KIAA1671: variants seen among roughly 807,000 people sequenced by gnomAD.
KIAA1671 encodes uncharacterized protein KIAA1671.
KIAA1671 carries 52 observed loss-of-function variants against 131.2 expected under a neutral mutation model. The ratio of observed to expected loss-of-function variants is 0.40; its 90% confidence interval spans 0.32 to 0.50. KIAA1671 has a LOEUF of 0.50. Ranked by LOEUF, KIAA1671 falls within the 20% of genes least tolerant of loss-of-function variation. The pLI is 0.73. For missense variants in KIAA1671, 2,360 were observed against 2,364.2 expected, an observed-to-expected ratio of 1.00 and a Z score of 0.04; for synonymous variants, 1,003 against 961.6, an observed-to-expected ratio of 1.04 and a Z score of -0.80.
intron 9 of KIAA1671, chr22:25,179,304 G>A (rs1307322570): frequency 7.0e-6 from 11 of 1,577,702 alleles, no homozygotes; most frequent in Non-Finnish European, 8.6e-6. Context: ...GCCCGTCCCG[G>A]GCCCTTAGCC....
Position 25,040,357 on chromosome 22 carries a change from A to T in KIAA1671, c.3227A>T (p.His1076Leu). 6.4e-7 allele frequency: 1 copy of T among 1,551,838 alleles called. No individual in the cohort carries two copies. The highest frequency in any genetic ancestry group is 8.7e-7 in the Non-Finnish European group (1 of 1,147,018). Residue 1076 changes from histidine to leucine, a missense_variant, in exon 5 of 13, where the codon CAT becomes CTT. Coordinates refer to ENST00000358431, the MANE Select transcript of KIAA1671 (RefSeq NM_001145206.2). ...SLTSTLVSLG[H>L]EEALEMAGSK... is the part of the protein sequence containing the mutation. ...ACATCCACTTTGGTTTCTCTTGGTC[A>T]TGAAGAGGCATTGGAGATGGCAGGC...
chr22:25,090,812 C>A (rs1267607294), intron 6 of KIAA1671, among the ~76,000 whole-genome samples: 3 of 152,230 alleles, frequency 2.0e-5, no homozygotes, highest in African/African-American at 7.2e-5. Flanking sequence ...GCTCTGTTAT[C>A]CCACAGGGCT....
chr22:25,055,834 A>G (rs1444720422), intron 6 of KIAA1671: 2 of 149,328 alleles, frequency 1.3e-5, no homozygotes, highest in African/African-American at 4.9e-5. Context: ...ATAGATAGAT[A>G]TAGATACAGA....
intron 6 of KIAA1671, among the ~76,000 whole-genome samples, chr22:25,134,374 GTA>G (rs1411751277): frequency 1.3e-5 from 2 of 152,144 alleles, no homozygotes; most frequent in African/African-American, 2.4e-5. Flanking sequence ...CCTGGTATTG[GTA>G]TGTGTGTGTG....
intron 6 of KIAA1671, among the ~76,000 whole-genome samples, chr22:25,123,171 G>C (rs553716169): frequency 4.8e-5 from 7 of 145,986 alleles, no homozygotes; most frequent in African/African-American, 1.8e-4. Flanking sequence ...AGAATACATG[G>C]CATCACTTCT....
intron 6 of KIAA1671, among the ~76,000 whole-genome samples, chr22:25,074,313 T>G (rs1928982816): frequency 6.6e-6 from 1 of 150,806 alleles, no homozygotes; most frequent in South Asian, 2.1e-4. Flanking sequence ...GAGACCAGCC[T>G]GGTCAACATG....
intron 4 of KIAA1671, among the ~76,000 whole-genome samples, chr22:25,036,731 C>T (rs2145800311): frequency 6.6e-6 from 1 of 151,898 alleles, no homozygotes; most frequent in East Asian, 2.0e-4. Context: ...CCAGCCTGAC[C>T]AACATGGAGA....
intron 6 of KIAA1671, among the ~76,000 whole-genome samples, chr22:25,162,831 G>C (rs1194734949): frequency 6.6e-6 from 1 of 152,156 alleles, no homozygotes; most frequent in Non-Finnish European, 1.5e-5. Flanking sequence ...TTGAGTAACT[G>C]GAACAGAGAC....
At chr22:25,077,414 G>A (rs1292036974) in intron 6 of KIAA1671, among the ~76,000 whole-genome samples, 2 of 152,160 alleles carry the variant, frequency 1.3e-5, no homozygotes, top group East Asian at 3.9e-4. Context: ...TTGGGAGCTG[G>A]GGAGGGCTCT....
At chr22:25,098,304 T>C (rs1247611321) in intron 6 of KIAA1671, among the ~76,000 whole-genome samples, 3 of 152,000 alleles carry the variant, frequency 2.0e-5, no homozygotes, top group Non-Finnish European at 4.4e-5. Context: ...TCCCCTCCTC[T>C]CTCTCCCCTT....
At chr22:25,084,110 T>C (rs1396932187) in intron 6 of KIAA1671, among the ~76,000 whole-genome samples, 2 of 152,232 alleles carry the variant, frequency 1.3e-5, no homozygotes. Flanking sequence ...GCCTTAGTTA[T>C]GGTTTGCCAA....
intron 6 of KIAA1671, among the ~76,000 whole-genome samples, chr22:25,140,619 C>T (rs1020228549): frequency 6.6e-6 from 1 of 152,158 alleles, no homozygotes; most frequent in Non-Finnish European, 1.5e-5. Context: ...GCGTGAACAC[C>T]AGGAGGCAGG....
chr22:25,116,064 C>G (rs1452690457), intron 6 of KIAA1671, among the ~76,000 whole-genome samples: 1 of 152,200 alleles, frequency 6.6e-6, no homozygotes, highest in Non-Finnish European at 1.5e-5. Context: ...GCATGAGCCA[C>G]TGTGCCCAGC....
Position 25,028,348 on chromosome 22 carries a change from G to A in KIAA1671, c.349G>A (p.Glu117Lys). 6.4e-7 allele frequency: 1 copy of A among 1,550,860 alleles called. No individual in the cohort carries two copies. The highest frequency in any genetic ancestry group is 8.7e-7 in the Non-Finnish European group (1 of 1,146,990). The change falls in exon 3 of 13, where the codon GAG becomes AAG. Residue 117 changes from glutamate to lysine, a missense_variant. Glu to Lys is a moderately conservative substitution (Grantham distance 56, BLOSUM62 1). Around this residue, in one of 3 missense-constraint regions of KIAA1671, gnomAD observed 1,185 missense variants for 1,126.2 expected, o/e 1.05. Transcript: ENST00000358431. The part of the protein sequence containing the change: ...DNRMPGLVGQ[E>K]VGSGEGPRTS... ...CAGGATGCCCGGCTTGGTGGGGCAG[G>A]AGGTGGGCAGTGGGGAGGGCCCGAG...
chr22:25,184,575 T>C (rs78168237), intron 10 of KIAA1671, among the ~76,000 whole-genome samples: 16 of 152,304 alleles, frequency 1.1e-4, no homozygotes, highest in African/African-American at 3.8e-4. Flanking sequence ...GGGACTCTAA[T>C]AGACTGTCGA....
chr22:25,007,115 A>C (rs964016100), intron 1 of KIAA1671, among the ~76,000 whole-genome samples: 1 of 152,146 alleles, frequency 6.6e-6, no homozygotes, highest in Non-Finnish European at 1.5e-5. Context: ...CCTCAAGGAC[A>C]AGGATGTTCT....
rs145443889 is a variant in KIAA1671, at chr22:25,105,768, C to T, written c.4530+56404C>T. On this transcript the variant is annotated intron_variant, in intron 6 of 12. Transcript: ENST00000358431. Reference sequence around the variant, plus strand: ...GCTTTTCTGGGCGCTTGTCGCCATCCAGACTGATTTGGTGAGGGCCAGGAT... The same window carrying T: ...GCTTTTCTGGGCGCTTGTCGCCATCTAGACTGATTTGGTGAGGGCCAGGAT... Among the ~76,000 whole-genome samples, 49 of 150,496 alleles carry T rather than the reference C, an allele frequency of 3.3e-4. No individual in the cohort carries two copies. In the East Asian group the frequency reaches 9.4e-3, roughly 29 times the overall value.
intron 6 of KIAA1671, 130 bp downstream of exon 6, chr22:25,049,494 C>A: frequency 9.6e-7 from 1 of 1,037,702 alleles, no homozygotes; most frequent in Non-Finnish European, 1.4e-6. Flanking sequence ...AGGCAACTGT[C>A]CAGGAATCTG....
At position 25,029,060 on chromosome 22, in the gene KIAA1671, G is replaced by A. The variant is rs898134105; in HGVS notation, c.1061G>A (p.Arg354Gln). 55 of 1,504,386 alleles carry A rather than the reference G, an allele frequency of 3.7e-5. No individual in the cohort carries two copies. The highest frequency in any genetic ancestry group is 4.2e-5 in the Non-Finnish European group (47 of 1,125,346). 93.2% of individuals were successfully genotyped at this position (1,504,386 alleles called of 1,614,324 possible). A position where few individuals can be genotyped will look rare whatever the true frequency, so the allele number is the denominator to read the frequency against. Residue 354 changes from arginine to glutamine, a missense_variant, in exon 3 of 13, where the codon CGG (arginine) becomes CAG (glutamine). Transcript: ENST00000358431. ...FLEVAKKIRE[R>Q]KEKMLSKPEM... ...GAGGTGGCCAAGAAAATCCGTGAAC[G>A]GAAGGAGAAGATGCTTTCGAAGCCG... is the stretch of plus-strand genomic sequence containing the variant.
Sources: gnomAD v4.1 joint callset for allele counts (sites outside exome capture counted in the v4.1 genomes callset) on GRCh38, gnomAD v4.1.1 for gene constraint, gnomAD v4.1.1 regional missense constraint, MANE v1.5 for transcripts, NCBI Gene and HGNC (gene_info 2026-07-23, HGNC 2026-07-21) for gene names.